The following PCDH9 variants were observed in gnomAD, a reference collection of about 807,000 sequenced individuals.
PCDH9 encodes protocadherin 9.
A neutral mutation model predicts 70.6 loss-of-function variants in PCDH9; 24 were observed. That is an observed-to-expected ratio of 0.34 (90% confidence interval 0.25 to 0.48). The LOEUF is 0.48. Ranked by LOEUF, PCDH9 falls within the 20% of genes least tolerant of loss-of-function variation. The pLI is 0.99. For missense variants in PCDH9, 1,281 were observed against 1,503.6 expected (o/e 0.85, Z 2.45); for synonymous variants, 562 against 558.5 (o/e 1.01, Z -0.09).
At chr13:66,815,969 T>C (rs2080598384) in intron 3 of PCDH9, among the ~76,000 whole-genome samples, 1 of 152,220 alleles carries the variant, frequency 6.6e-6, no homozygotes, top group South Asian at 2.1e-4. Context: ...ATTGAACTCT[T>C]AAATTAAATT....
intron 2 of PCDH9, among the ~76,000 whole-genome samples, chr13:67,170,558 G>T (rs1356451970): frequency 7.0e-6 from 1 of 142,166 alleles, no homozygotes; most frequent in Non-Finnish European, 1.6e-5. Flanking sequence ...TTAAACTTTT[G>T]CCATATATCA....
chr13:66,411,711 T>C (rs1310220506), intron 4 of PCDH9, among the ~76,000 whole-genome samples: 1 of 152,100 alleles, frequency 6.6e-6, no homozygotes, highest in Non-Finnish European at 1.5e-5. Flanking sequence ...ATAAATACCT[T>C]GGAGGCAGTA....
chr13:66,373,053 G>A (rs949686436), intron 4 of PCDH9, among the ~76,000 whole-genome samples: 10 of 151,896 alleles, frequency 6.6e-5, no homozygotes, highest in African/African-American at 1.9e-4. Context: ...CAACATTATT[G>A]TCAATAGACA....
At chr13:66,586,120 A>G (rs2076959672) in intron 4 of PCDH9, among the ~76,000 whole-genome samples, 1 of 152,198 alleles carries the variant, frequency 6.6e-6, no homozygotes, top group South Asian at 2.1e-4. Flanking sequence ...TAACTAAATG[A>G]TGGCTTAATA....
At chr13:66,732,891 G>T (rs1306172318) in intron 3 of PCDH9, among the ~76,000 whole-genome samples, 1 of 151,914 alleles carries the variant, frequency 6.6e-6, no homozygotes, top group Non-Finnish European at 1.5e-5. Context: ...TACCTACTTA[G>T]TTCTAAGAGC....
chr13:66,687,364 G>T (rs374570937), intron 3 of PCDH9, among the ~76,000 whole-genome samples: 4 of 151,824 alleles, frequency 2.6e-5, no homozygotes, highest in Non-Finnish European at 4.4e-5. Context: ...TATTTTATTT[G>T]CTTTCTCCTT....
chr13:67,196,086 C>T (rs2089057513), intron 2 of PCDH9, among the ~76,000 whole-genome samples: 1 of 152,078 alleles, frequency 6.6e-6, no homozygotes. Context: ...GAAGAGTAAA[C>T]AAACTCTATG....
intron 3 of PCDH9, among the ~76,000 whole-genome samples, chr13:66,805,430 G>C (rs17081878): frequency 0.1 from 15,428 of 152,164 alleles, 2,544 homozygotes; most frequent in African/African-American, 0.35. Context: ...TTTCAATAAA[G>C]ATGCAACTTG....
chr13:66,394,384 C>T (rs1240953084), intron 4 of PCDH9, among the ~76,000 whole-genome samples: 1 of 152,132 alleles, frequency 6.6e-6, no homozygotes, highest in Non-Finnish European at 1.5e-5. Context: ...TACCTACATG[C>T]CTATCTGTTT....
chr13:66,818,685 C>A (rs928250303), intron 3 of PCDH9, among the ~76,000 whole-genome samples: 1 of 152,130 alleles, frequency 6.6e-6, no homozygotes, highest in Non-Finnish European at 1.5e-5. Context: ...GTAGTCCCAG[C>A]ACTTTGGGAG....
chr13:66,841,357 C>T (rs564419368), intron 3 of PCDH9, among the ~76,000 whole-genome samples: 29 of 152,194 alleles, frequency 1.9e-4, no homozygotes, highest in Middle Eastern at 6.8e-3. Context: ...TTTCCCCCCA[C>T]GCTTGTTTTT....
intron 2 of PCDH9, among the ~76,000 whole-genome samples, chr13:67,022,106 C>CTT (rs71110623): frequency 5.6e-5 from 2 of 35,408 alleles, no homozygotes; most frequent in African/African-American, 2.6e-4. Flanking sequence ...AGGTGATGTT[C>CTT]TTTTTTTTTT....
intron 4 of PCDH9, among the ~76,000 whole-genome samples, chr13:66,364,563 T>C (rs1956522692): frequency 6.6e-6 from 1 of 152,188 alleles, no homozygotes; most frequent in Non-Finnish European, 1.5e-5. Context: ...ACTTGGAATA[T>C]ATGTGGAAAT....
intron 4 of PCDH9, among the ~76,000 whole-genome samples, chr13:66,512,885 A>G (rs1473104655): frequency 1.3e-5 from 2 of 151,680 alleles, no homozygotes; most frequent in Admixed American, 6.6e-5. Context: ...CTGGAGTGGA[A>G]TGGTGCAATC....
intron 2 of PCDH9, among the ~76,000 whole-genome samples, chr13:67,138,269 A>T (rs2087284929): frequency 6.6e-6 from 1 of 152,184 alleles, no homozygotes; most frequent in Admixed American, 6.6e-5. Context: ...AACAGGCTGA[A>T]ATATCTGGCC....
At chr13:67,144,581 T>C (rs974893013) in intron 2 of PCDH9, among the ~76,000 whole-genome samples, 10 of 152,134 alleles carry the variant, frequency 6.6e-5, no homozygotes, top group Non-Finnish European at 1.3e-4. Context: ...CAAACTGATA[T>C]TGAAAGAGTA....
chr13:66,701,420 T>C (rs971465283), intron 3 of PCDH9, among the ~76,000 whole-genome samples: 1 of 152,170 alleles, frequency 6.6e-6, no homozygotes. Flanking sequence ...TATATGTATG[T>C]GCATATATGC....
At chr13:67,108,484 A>G (rs902056843) in intron 2 of PCDH9, among the ~76,000 whole-genome samples, 87 of 152,228 alleles carry the variant, frequency 5.7e-4, no homozygotes, top group Non-Finnish European at 8.8e-4. Flanking sequence ...CAAAGCAATA[A>G]ACAACTTGTT....
intron 4 of PCDH9, among the ~76,000 whole-genome samples, chr13:66,449,900 C>A (rs763071314): frequency 6.6e-6 from 1 of 151,778 alleles, no homozygotes; most frequent in African/African-American, 2.4e-5. Context: ...TGTGAGAGAC[C>A]TTTTAATGCC....
Sources: allele counts gnomAD v4.1 joint callset (sites outside exome capture counted in the v4.1 genomes callset), GRCh38; gene constraint gnomAD v4.1.1; transcripts MANE v1.5; gene names NCBI Gene and HGNC (gene_info 2026-07-23, HGNC 2026-07-21).